The following RUNDC3B variants were observed in gnomAD, a reference collection of about 807,000 sequenced individuals.
RUNDC3B encodes RUN domain-containing protein 3B.
In RUNDC3B, 33 loss-of-function variants were observed where a neutral mutation model predicts 58.4. The ratio of observed to expected loss-of-function variants is 0.56; its 90% CI spans 0.43 to 0.75. RUNDC3B has a LOEUF of 0.75. Among genes scored for constraint, RUNDC3B ranks in the 30% least tolerant of loss-of-function variants. RUNDC3B has a pLI of 0.00. For missense variants in RUNDC3B, 501 were observed against 535.7 expected (o/e 0.94, Z 0.64); for synonymous variants, 193 against 195.2 (o/e 0.99, Z 0.10).
At chr7:87,644,745 TTCTC>T (rs1822810320) in intron 1 of RUNDC3B, among the ~76,000 whole-genome samples, 1 of 151,674 alleles carries the variant, frequency 6.6e-6, no homozygotes. Context: ...TTACTACTTA[TTCTC>T]TCTGTGTATA....
In RUNDC3B at chr7:87,703,896, T is replaced by C. The variant is rs1295284796; in HGVS notation, c.372+3342T>C. ...TTTATCAGTTTTTTCTTTTTTTTTT[T>C]TTTTTTTTTTTTTTTTGGTTTTTTT... On this transcript the variant is annotated intron_variant, in intron 3 of 10. Coordinates refer to ENST00000394654, the MANE Select transcript of RUNDC3B (RefSeq NM_001134405.2). Among the ~76,000 whole-genome samples the C allele has an allele frequency of 1.2e-4, 13 of 112,052 alleles. No homozygotes were observed. The East Asian group carries it at 2.8e-3, about 24-fold the overall frequency. The allele number at this position is 112,052 out of a possible 152,430, so 73.5% of individuals were successfully genotyped here.
intron 3 of RUNDC3B, among the ~76,000 whole-genome samples, chr7:87,706,481 A>G (rs568325417): frequency 1.3e-4 from 20 of 152,330 alleles, no homozygotes; most frequent in African/African-American, 4.6e-4. Context: ...AATATCTTGT[A>G]TCAGAGGGAC....
chr7:87,820,048 T>C (rs564588478), intron 10 of RUNDC3B, among the ~76,000 whole-genome samples: 1 of 152,084 alleles, frequency 6.6e-6, no homozygotes, highest in South Asian at 2.1e-4. Flanking sequence ...AGAGCGGAAC[T>C]GAAGGAAATA....
chr7:87,726,352 CT>C, intron 4 of RUNDC3B, among the ~76,000 whole-genome samples: 1 of 152,254 alleles, frequency 6.6e-6, no homozygotes, highest in East Asian at 1.9e-4. Flanking sequence ...ATAGGGAATC[CT>C]TTCCCCATTG....
intron 2 of RUNDC3B, among the ~76,000 whole-genome samples, chr7:87,690,607 T>C (rs183823671): frequency 4.6e-5 from 7 of 152,254 alleles, no homozygotes; most frequent in African/African-American, 9.6e-5. Context: ...GATAGTCTCA[T>C]TGTTAGCTGA....
At chr7:87,686,169 T>A (rs1025723573) in intron 2 of RUNDC3B, among the ~76,000 whole-genome samples, 1 of 152,190 alleles carries the variant, frequency 6.6e-6, no homozygotes, top group African/African-American at 2.4e-5. Context: ...TTCTTACAAT[T>A]TTTCTATTCT....
intron 2 of RUNDC3B, among the ~76,000 whole-genome samples, chr7:87,667,183 C>T (rs1825341354): frequency 6.6e-6 from 1 of 152,008 alleles, no homozygotes; most frequent in Non-Finnish European, 1.5e-5. Flanking sequence ...TTGTAATTCT[C>T]ATTGTAGAGA....
chr7:87,652,621 G>GAGATATATATATAT (rs374832268), intron 2 of RUNDC3B, among the ~76,000 whole-genome samples: 3 of 125,412 alleles, frequency 2.4e-5, no homozygotes, highest in African/African-American at 1.0e-4. Context: ...TGTGGTCACT[G>GAGATATATATATAT]ATATATATAT....
chr7:87,776,273 T>G (rs1346095903), intron 7 of RUNDC3B, among the ~76,000 whole-genome samples: 1 of 152,062 alleles, frequency 6.6e-6, no homozygotes, highest in Non-Finnish European at 1.5e-5. Flanking sequence ...AGCAATATTG[T>G]TTATATTAAG....
At chr7:87,638,713 A>G (rs1822096177) in intron 1 of RUNDC3B, among the ~76,000 whole-genome samples, 1 of 151,592 alleles carries the variant, frequency 6.6e-6, no homozygotes, top group South Asian at 2.1e-4. Context: ...TGATATTATA[A>G]TCTCCATTTT....
At chr7:87,774,601 C>T (rs916133609) in intron 7 of RUNDC3B, among the ~76,000 whole-genome samples, 1 of 152,018 alleles carries the variant, frequency 6.6e-6, no homozygotes, top group Admixed American at 6.5e-5. Flanking sequence ...TTTTATAATA[C>T]CTTGCAAAAC....
intron 6 of RUNDC3B, among the ~76,000 whole-genome samples, chr7:87,761,277 C>T (rs1411733229): frequency 1.3e-5 from 2 of 151,954 alleles, no homozygotes; most frequent in South Asian, 4.2e-4. Context: ...CACAGTAAGA[C>T]ACCACTTTAT....
chr7:87,820,918 C>T (rs887331301), intron 10 of RUNDC3B, among the ~76,000 whole-genome samples: 1 of 151,798 alleles, frequency 6.6e-6, no homozygotes, highest in Non-Finnish European at 1.5e-5. Flanking sequence ...CTATGACAAA[C>T]CCACAGCCAA....
chr7:87,678,527 CA>C (rs1826605221), intron 2 of RUNDC3B, among the ~76,000 whole-genome samples: 1 of 151,296 alleles, frequency 6.6e-6, no homozygotes, highest in African/African-American at 2.4e-5. Context: ...TAAAGTTATC[CA>C]AAAAGAAGGT....
chr7:87,727,178 G>A (rs1020750085), intron 4 of RUNDC3B, among the ~76,000 whole-genome samples: 3 of 152,152 alleles, frequency 2.0e-5, no homozygotes, highest in African/African-American at 7.2e-5. Context: ...TTTTCAAAGG[G>A]AATGCTTCCA....
rs756278870 is a variant in RUNDC3B, at chr7:87,628,902, C to G, written c.79C>G (p.Arg27Gly). The change falls in exon 1 of 11, where the codon CGC becomes GGC. Residue 27 changes from arginine (R) to glycine (G), a missense_variant. Coordinates refer to ENST00000394654, the MANE Select transcript of RUNDC3B (RefSeq NM_001134405.2). ...AGGCGGCAAGAAAAGCCTGAGCGCC[C>G]GCAATGCTGCGGTGGAGAGGAGGAA... ...GGGGKKSLSA[R>G]NAAVERRNLI... is the part of the protein sequence containing the mutation. 19 of 1,306,738 alleles carry G rather than the reference C, an allele frequency of 1.5e-5. No homozygotes were observed. Among genetic ancestry groups the G allele is most frequent in the Non-Finnish European group, 1.8e-5 (18 of 1,019,824 alleles). The allele number at this position is 1,306,738 out of a possible 1,614,324, so 80.9% of individuals were successfully genotyped here.
chr7:87,629,218 C>G (rs1820953218), intron 1 of RUNDC3B: 1 of 346,958 alleles, frequency 2.9e-6, no homozygotes, highest in African/African-American at 2.1e-5. Flanking sequence ...TTTGAATGTG[C>G]AATCTAGCGT....
In RUNDC3B at chr7:87,645,081, C is replaced by CTT. The variant is rs551936794; in HGVS notation, c.123-5724_123-5723dup. The stretch of plus-strand genomic sequence containing the variant: ...TTTTAGTCACAATCATGCTTTCTTT[C>CTT]TTTTTTTTTTTTTTTTTTGAGACAG... On this transcript the variant is annotated intron_variant, in intron 1 of 10. Transcript: ENST00000394654. 4.7e-4 allele frequency among the ~76,000 whole-genome samples: 60 copies of CTT among 128,072 alleles called. 1 individual carries two copies. The South Asian group carries it at 6.8e-3, about 15-fold the overall frequency. The allele number at this position is 128,072 out of a possible 152,430, so 84.0% of individuals were successfully genotyped here. A position where few individuals can be genotyped will look rare whatever the true frequency, so the allele number is the denominator to read the frequency against.
intron 2 of RUNDC3B, among the ~76,000 whole-genome samples, chr7:87,672,106 A>G (rs1825876933): frequency 6.6e-6 from 1 of 152,126 alleles, no homozygotes; most frequent in Non-Finnish European, 1.5e-5. Context: ...GACAGCAGAG[A>G]TGGCGACCTG....
Sources: allele counts gnomAD v4.1 joint callset (sites outside exome capture counted in the v4.1 genomes callset), GRCh38; gene constraint gnomAD v4.1.1; transcripts MANE v1.5; gene names NCBI Gene and HGNC (gene_info 2026-07-23, HGNC 2026-07-21).